Variants in ZDHHC13 observed in about 807,000 individuals in gnomAD.
ZDHHC13 encodes palmitoyltransferase ZDHHC13.
A neutral mutation model predicts 86.0 loss-of-function variants in ZDHHC13; 85 were observed. The observed-to-expected ratio is 0.99, with a 90% CI of 0.83 to 1.18. The LOEUF is 1.18. Ranked by LOEUF, ZDHHC13 falls within the 50% of genes most tolerant of loss-of-function variation. ZDHHC13 has a pLI of 0.00. For missense variants in ZDHHC13, 711 were observed against 730.2 expected, an observed-to-expected ratio of 0.97 and a Z score of 0.30; for synonymous variants, 263 against 246.4, an observed-to-expected ratio of 1.07 and a Z score of -0.63.
Position 19,175,802 on chromosome 11 carries a change from C to T in ZDHHC13, c.1731-20C>T. 3 of 1,244,338 alleles carry T rather than the reference C, an allele frequency of 2.4e-6. No homozygotes were observed. Among genetic ancestry groups the T allele is most frequent in the East Asian group, 2.8e-5 (1 of 35,576 alleles). 77.1% of individuals were successfully genotyped at this position (1,244,338 alleles called of 1,614,324 possible). ...CAGGAAATATAGTAAGACATGTTCT[C>T]TTTTTTTTTTTCTTGGCAGTCTTGG... On this transcript the variant is annotated intron_variant, in intron 16 of 16. Transcript: ENST00000446113.
intron 1 of ZDHHC13, among the ~76,000 whole-genome samples, chr11:19,137,133 A>G (rs1849164422): frequency 6.6e-6 from 1 of 152,204 alleles, no homozygotes; most frequent in South Asian, 2.1e-4. Context: ...AATTGGATAA[A>G]GAGTCCAGAC....
rs1287921772 is a variant in ZDHHC13, at chr11:19,117,258, G to A, written c.9G>A (p.Gly3=). 3 of 1,505,226 alleles carry A rather than the reference G, an allele frequency of 2.0e-6. No individual in the cohort carries two copies. Among genetic ancestry groups the A allele is most frequent in the Non-Finnish European group, 2.7e-6 (3 of 1,127,762 alleles). The allele number at this position is 1,505,226 out of a possible 1,614,324, so 93.2% of individuals were successfully genotyped here. A position where few individuals can be genotyped will look rare whatever the true frequency, so the allele number is the denominator to read the frequency against. Residue 3 remains glycine, a synonymous_variant, in exon 1 of 17, where the codon GGG becomes GGA. Coordinates refer to ENST00000446113, the MANE Select transcript of ZDHHC13 (RefSeq NM_019028.3). This position sits in a 1 kb window ranked among gnomAD's most constrained non-coding sequence, Gnocchi z 4.2. ME[G]PGLGSQCRNH... is the part of the protein sequence containing the mutation. ...TGTGGGCTCCTGGGGAGATGGAGGG[G>A]CCGGGGCTGGGCTCGCAGGTGAGTG...
intron 2 of ZDHHC13, 108 bp downstream of exon 2, chr11:19,143,231 G>T: frequency 8.5e-7 from 1 of 1,177,872 alleles, no homozygotes; most frequent in Non-Finnish European, 1.2e-6. Flanking sequence ...CTTCATAATA[G>T]TAGTTAACAC....
chr11:19,166,139 A>G (rs1850059067), intron 13 of ZDHHC13, among the ~76,000 whole-genome samples, 163 bp from the exon 14 acceptor site: 1 of 152,236 alleles, frequency 6.6e-6, no homozygotes, highest in South Asian at 2.1e-4. Flanking sequence ...GTGACATATC[A>G]GAAATGTGTG....
intron 4 of ZDHHC13, among the ~76,000 whole-genome samples, chr11:19,147,993 A>T (rs766628698): frequency 6.6e-6 from 1 of 152,204 alleles, no homozygotes; most frequent in Non-Finnish European, 1.5e-5. Flanking sequence ...CTTATGACAG[A>T]TGTCTATTTA....
At chr11:19,129,746 T>C (rs2133370217) in intron 1 of ZDHHC13, among the ~76,000 whole-genome samples, 1 of 152,296 alleles carries the variant, frequency 6.6e-6, no homozygotes, top group South Asian at 2.1e-4. Context: ...CCTATAGTTT[T>C]CTTTACTTGT....
At chr11:19,141,104 A>T (rs1429537185) in intron 1 of ZDHHC13, among the ~76,000 whole-genome samples, 1 of 151,982 alleles carries the variant, frequency 6.6e-6, no homozygotes, top group African/African-American at 2.4e-5. Flanking sequence ...GTACTGATTC[A>T]GGGAGGTTTC....
At chr11:19,133,608 G>T (rs76487768) in intron 1 of ZDHHC13, among the ~76,000 whole-genome samples, 1 of 151,964 alleles carries the variant, frequency 6.6e-6, no homozygotes, top group Non-Finnish European at 1.5e-5. Context: ...GATGAAGCTT[G>T]TAAGTCTAAT....
At position 19,145,115 on chromosome 11, in the gene ZDHHC13, A is replaced by G. The variant is rs562554574; in HGVS notation, c.174-1066A>G. On this transcript the variant is annotated intron_variant, in intron 2 of 16. Coordinates refer to ENST00000446113, the MANE Select transcript of ZDHHC13 (RefSeq NM_019028.3). ...CAAAGCAAGACTCCATCTCAAAAAA[A>G]AAAAAATATTGCTAATAAATGATTT... Among the ~76,000 whole-genome samples the G allele has an allele frequency of 1.3e-3, 203 of 152,322 alleles. 1 individual carries two copies. The highest frequency in any genetic ancestry group is 2.1e-3 in the Non-Finnish European group (146 of 68,018).
intron 2 of ZDHHC13, among the ~76,000 whole-genome samples, chr11:19,144,639 G>A (rs1340349436): frequency 6.6e-6 from 1 of 151,788 alleles, no homozygotes; most frequent in African/African-American, 2.4e-5. Context: ...ACACACACAC[G>A]CACACACACA....
intron 3 of ZDHHC13, among the ~76,000 whole-genome samples, chr11:19,146,533 T>C (rs1468240276): frequency 6.6e-6 from 1 of 152,142 alleles, no homozygotes; most frequent in African/African-American, 2.4e-5. Context: ...GGGCCAATCA[T>C]AAAGTTTAGA....
chr11:19,160,883 G>A (rs1255203756), intron 10 of ZDHHC13, among the ~76,000 whole-genome samples: 5 of 151,688 alleles, frequency 3.3e-5, no homozygotes, highest in Non-Finnish European at 5.9e-5. Flanking sequence ...TAAATGGGCC[G>A]TGATTAAAAT....
At chr11:19,166,554 T>C (rs972971593) in intron 14 of ZDHHC13, 169 bp downstream of exon 14, 4 of 509,520 alleles carry the variant, frequency 7.9e-6, no homozygotes, top group Non-Finnish European at 1.4e-5. Context: ...CTGCAAGAAA[T>C]ACAAGATGAG....
intron 9 of ZDHHC13, among the ~76,000 whole-genome samples, chr11:19,156,307 A>G (rs1849755558): frequency 6.6e-6 from 1 of 152,102 alleles, no homozygotes; most frequent in Non-Finnish European, 1.5e-5. Context: ...AATTTATTTT[A>G]AGCTAGTTAT....
At chr11:19,123,362 C>T (rs1422787442) in intron 1 of ZDHHC13, among the ~76,000 whole-genome samples, 1 of 152,004 alleles carries the variant, frequency 6.6e-6, no homozygotes, top group Non-Finnish European at 1.5e-5. Context: ...TGTGGTGGCT[C>T]ATGCCTGTAA....
At chr11:19,171,176 C>T (rs544788433) in intron 15 of ZDHHC13, among the ~76,000 whole-genome samples, 3 of 152,252 alleles carry the variant, frequency 2.0e-5, no homozygotes, top group Admixed American at 1.3e-4. Context: ...AGGCCATGGC[C>T]ATTAGAAAGT....
At chr11:19,166,453 C>A in intron 14 of ZDHHC13, 68 bp downstream of exon 14, 1 of 1,276,332 alleles carries the variant, frequency 7.8e-7, no homozygotes, top group East Asian at 2.4e-5. Flanking sequence ...CTTGTAAACC[C>A]TTGTATATCA....
intron 16 of ZDHHC13, among the ~76,000 whole-genome samples, chr11:19,175,526 T>C (rs956477352): frequency 7.9e-5 from 12 of 151,722 alleles, no homozygotes; most frequent in African/African-American, 2.4e-4. Context: ...AAGAAACTTA[T>C]TGATGTCAGT....
intron 1 of ZDHHC13, among the ~76,000 whole-genome samples, chr11:19,140,819 A>G (rs1037228075): frequency 6.6e-6 from 1 of 151,666 alleles, no homozygotes; most frequent in African/African-American, 2.4e-5. Flanking sequence ...TGCAAGAACA[A>G]AAAACCAAAC....
Sources: gnomAD v4.1 joint callset for allele counts (sites outside exome capture counted in the v4.1 genomes callset) on GRCh38, gnomAD v4.1.1 for gene constraint, Gnocchi (gnomAD v3.1) non-coding constraint, MANE v1.5 for transcripts, NCBI Gene and HGNC (gene_info 2026-07-23, HGNC 2026-07-21) for gene names.